ATE1: variants seen among roughly 807,000 people sequenced by gnomAD.
ATE1 encodes arginyltransferase 1.
In ATE1, 36 loss-of-function variants were observed where a neutral mutation model predicts 70.5. The ratio of observed to expected loss-of-function variants is 0.51; its 90% CI spans 0.39 to 0.67. The LOEUF (loss-of-function observed/expected upper bound fraction) is 0.67, where lower values mean the gene tolerates loss of function less well. Among genes scored for constraint, ATE1 ranks in the 30% least tolerant of loss-of-function variants. ATE1 has a pLI of 0.00. For synonymous variants in ATE1, 232 were observed against 219.3 expected (o/e 1.06, Z -0.51); for missense variants, 593 against 629.5 (o/e 0.94, Z 0.62).
At position 121,742,656 on chromosome 10, in the gene ATE1, C is replaced by T. The variant is rs936757437; in HGVS notation, c.*1024G>A. On this transcript the variant is annotated 3_prime_UTR_variant, in exon 12 of 12. Transcript: ENST00000224652. ...GGGGGCTGGCCTCTGCTCTGAGTTACTAAGGGTGGCAGAAGCCACCCTGAC... is the reference window on the plus strand; with the variant it reads ...GGGGGCTGGCCTCTGCTCTGAGTTATTAAGGGTGGCAGAAGCCACCCTGAC... 3.3e-5 allele frequency: 5 copies of T among 152,238 alleles called. No individual in the cohort carries two copies. Among genetic ancestry groups the T allele is most frequent in the Non-Finnish European group, 2.9e-5 (2 of 68,066 alleles). 9.4% of individuals were successfully genotyped at this position (152,238 alleles called of 1,614,324 possible).
chr10:121,847,112 T>A (rs10886996), intron 8 of ATE1, among the ~76,000 whole-genome samples: 44,883 of 151,998 alleles, frequency 0.3, 7,160 homozygotes, highest in South Asian at 0.44. Flanking sequence ...CTTTTAAAAA[T>A]GTAAGCCTCA....
At chr10:121,924,783 A>G (rs1952022411) in intron 1 of ATE1, among the ~76,000 whole-genome samples, 1 of 152,262 alleles carries the variant, frequency 6.6e-6, no homozygotes, top group South Asian at 2.1e-4. Flanking sequence ...TACATACTTC[A>G]CAGCTGTTAG....
intron 10 of ATE1, among the ~76,000 whole-genome samples, chr10:121,817,874 C>A (rs1049245863): frequency 6.6e-6 from 1 of 152,022 alleles, no homozygotes; most frequent in Non-Finnish European, 1.5e-5. Flanking sequence ...AGGGCACTAA[C>A]GCAAAGTAAA....
chr10:121,885,448 T>C (rs1363248906), intron 7 of ATE1, among the ~76,000 whole-genome samples: 1 of 149,704 alleles, frequency 6.7e-6, no homozygotes, highest in Non-Finnish European at 1.5e-5. Context: ...TGGGCGCTTG[T>C]AGTCCCAGCT....
chr10:121,870,087 A>C (rs772182552), intron 7 of ATE1, 49 bp from the exon 8 acceptor site: 2 of 1,555,028 alleles, frequency 1.3e-6, no homozygotes, highest in Non-Finnish European at 1.8e-6. Flanking sequence ...AACAGACGGC[A>C]AAAAGGAACA....
At position 121,841,147 on chromosome 10, in the gene ATE1, T is replaced by C. The variant is rs766374511; in HGVS notation, c.1092A>G (p.Ser364=). The part of the protein sequence containing the change: ...GVIDILPNCV[S]SVYLYYDPDY... ...CAGGATCGTAGTACAAATACACAGA[T>C]GATACACAGTTTGGGAGGATGTCAA... The change falls in exon 9 of 12, where the codon TCA becomes TCG. Residue 364 remains serine, a synonymous_variant. Coordinates refer to ENST00000224652, the MANE Select transcript of ATE1 (RefSeq NM_001001976.3). 11 of 1,598,464 alleles carry C rather than the reference T, an allele frequency of 6.9e-6. No homozygotes were observed. In the Admixed American group the frequency reaches 1.8e-4, roughly 27 times the overall value.
intron 11 of ATE1, among the ~76,000 whole-genome samples, chr10:121,789,743 T>G (rs756920415): frequency 6.6e-6 from 1 of 152,082 alleles, no homozygotes; most frequent in Non-Finnish European, 1.5e-5. Context: ...TGTCACAAAA[T>G]CCATTACAGT....
At chr10:121,886,460 T>C (rs1284689045) in intron 7 of ATE1, among the ~76,000 whole-genome samples, 1 of 152,082 alleles carries the variant, frequency 6.6e-6, no homozygotes, top group Non-Finnish European at 1.5e-5. Flanking sequence ...AGTGTGAGTG[T>C]GGGTGTGTGC....
intron 1 of ATE1, among the ~76,000 whole-genome samples, chr10:121,926,399 T>C (rs1329786270): frequency 2.0e-5 from 3 of 152,164 alleles, no homozygotes; most frequent in Admixed American, 1.3e-4. Flanking sequence ...TTTCATCATC[T>C]GTAAATAAAA....
chr10:121,754,763 A>G (rs1944724464), intron 11 of ATE1, among the ~76,000 whole-genome samples: 1 of 152,240 alleles, frequency 6.6e-6, no homozygotes, highest in Non-Finnish European at 1.5e-5. Context: ...ACTTATTAAC[A>G]TGTACAAAAT....
At chr10:121,902,159 T>C (rs1422318300) in intron 6 of ATE1, among the ~76,000 whole-genome samples, 1 of 152,168 alleles carries the variant, frequency 6.6e-6, no homozygotes, top group Non-Finnish European at 1.5e-5. Flanking sequence ...ACAAGTTTGG[T>C]GGCCAACTAT....
At chr10:121,843,661 G>A (rs1463497475) in intron 8 of ATE1, among the ~76,000 whole-genome samples, 1 of 151,912 alleles carries the variant, frequency 6.6e-6, no homozygotes, top group Non-Finnish European at 1.5e-5. Flanking sequence ...AAGCAGCAAA[G>A]GCAATGCAAT....
rs1229777348 is a variant in ATE1, at chr10:121,881,808, G to GT, written c.943-11771dup. Among the ~76,000 whole-genome samples the GT allele has an allele frequency of 2.6e-5, 4 of 151,480 alleles. No homozygotes were observed. The East Asian group carries it at 5.9e-4, about 22-fold the overall frequency. ...CAAGTTTTTTGTTTTGCTTTGTTTT[G>GT]TTTTTTAAAGAGTCTTGCTCTGTCA... On this transcript the variant is annotated intron_variant, in intron 7 of 11. Transcript: ENST00000224652.
At chr10:121,846,933 TG>T in intron 8 of ATE1, among the ~76,000 whole-genome samples, 1 of 152,152 alleles carries the variant, frequency 6.6e-6, no homozygotes, top group Non-Finnish European at 1.5e-5. Flanking sequence ...AAAAGAAAAC[TG>T]GAAGAAATGT....
In ATE1 at chr10:121,872,791, C is replaced by T. The variant is rs143717654; in HGVS notation, c.943-2753G>A. Among the ~76,000 whole-genome samples the T allele has an allele frequency of 7.1e-3, 1,081 of 151,538 alleles. 25 individuals carry two copies. The highest frequency in any genetic ancestry group is 0.025 in the African/African-American group (1,017 of 41,354). Reference sequence around the variant, plus strand: ...AAGTCTATTGAAAAAAAAAAGACTACGGCTGCACGCAGATGGTTGCACACA... The same window carrying T: ...AAGTCTATTGAAAAAAAAAAGACTATGGCTGCACGCAGATGGTTGCACACA... On this transcript the variant is annotated intron_variant, in intron 7 of 11. Transcript: ENST00000224652.
At chr10:121,856,218 T>A (rs1413627934) in intron 8 of ATE1, among the ~76,000 whole-genome samples, 1 of 151,786 alleles carries the variant, frequency 6.6e-6, no homozygotes, top group Non-Finnish European at 1.5e-5. Context: ...AATACATGAG[T>A]GGATTTTTAA....
chr10:121,828,972 G>A (rs1948129285), intron 10 of ATE1, among the ~76,000 whole-genome samples: 1 of 152,124 alleles, frequency 6.6e-6, no homozygotes, highest in African/African-American at 2.4e-5. Context: ...AGTTTCAATT[G>A]TCACATTACC....
chr10:121,758,438 A>C (rs1189074807), intron 11 of ATE1, among the ~76,000 whole-genome samples: 1 of 152,248 alleles, frequency 6.6e-6, no homozygotes, highest in Non-Finnish European at 1.5e-5. Flanking sequence ...ACTTCTAAAA[A>C]TACCTTTAAG....
intron 10 of ATE1, among the ~76,000 whole-genome samples, chr10:121,820,224 T>C (rs1044805186): frequency 1.3e-5 from 2 of 152,178 alleles, no homozygotes; most frequent in African/African-American, 4.8e-5. Flanking sequence ...CAGCATATTA[T>C]GTCACCTAAC....
Sources: gnomAD v4.1 joint callset for allele counts (sites outside exome capture counted in the v4.1 genomes callset) on GRCh38, gnomAD v4.1.1 for gene constraint, MANE v1.5 for transcripts, NCBI Gene and HGNC (gene_info 2026-07-23, HGNC 2026-07-21) for gene names.